GPR161: variants seen among roughly 807,000 people sequenced by gnomAD.
GPR161 encodes the protein G-protein coupled receptor RE2.
A neutral mutation model predicts 39.2 loss-of-function variants in GPR161; 25 were observed. The ratio of observed to expected loss-of-function variants is 0.64; its 90% CI spans 0.47 to 0.89. The LOEUF is 0.89. GPR161 is among the 40% of genes least tolerant of loss of function. The pLI, the probability that GPR161 is intolerant of heterozygous loss-of-function variation, is 0.00. For missense variants in GPR161, 547 were observed against 677.8 expected (o/e 0.81, Z 2.14); for synonymous variants, 286 against 276.6 (o/e 1.03, Z -0.34).
chr1:168,099,835 T>TGG (rs1558104423), intron 2 of GPR161, among the ~76,000 whole-genome samples: 1 of 109,768 alleles, frequency 9.1e-6, no homozygotes. Flanking sequence ...AGTTTTTTTT[T>TGG]TGGGGGGGGG....
At chr1:168,091,366 A>C (rs1456806663) in intron 3 of GPR161, among the ~76,000 whole-genome samples, 1 of 152,128 alleles carries the variant, frequency 6.6e-6, no homozygotes, top group Admixed American at 6.5e-5. Flanking sequence ...GTATTGTGGA[A>C]ATTTACATAT....
intron 1 of GPR161, among the ~76,000 whole-genome samples, chr1:168,118,148 A>T (rs1196371269): frequency 1.3e-5 from 2 of 152,218 alleles, no homozygotes; most frequent in African/African-American, 2.4e-5. Context: ...ACTTCATGAA[A>T]ATTTTAAAAT....
intron 2 of GPR161, among the ~76,000 whole-genome samples, chr1:168,102,346 T>C (rs1696183231): frequency 6.6e-6 from 1 of 151,770 alleles, no homozygotes. Context: ...GCTGGTGGAG[T>C]TGTCGATGGT....
chr1:168,112,218 C>T (rs899082301), intron 1 of GPR161, among the ~76,000 whole-genome samples: 1 of 152,022 alleles, frequency 6.6e-6, no homozygotes, highest in Non-Finnish European at 1.5e-5. Context: ...TGGTGGCTCA[C>T]GCCTGTAATC....
chr1:168,135,021 C>T (rs745947467), intron 1 of GPR161: 38 of 1,530,982 alleles, frequency 2.5e-5, no homozygotes, highest in East Asian at 7.4e-5. Context: ...TCTCAGAGGA[C>T]GCACAGTGCA....
intron 1 of GPR161, among the ~76,000 whole-genome samples, chr1:168,114,983 G>C (rs1184654660): frequency 6.6e-6 from 1 of 152,104 alleles, no homozygotes; most frequent in Non-Finnish European, 1.5e-5. Flanking sequence ...CCCTAGGTCC[G>C]GGATTTTGTC....
At chr1:168,097,319 G>C (rs1241646952) in intron 2 of GPR161, 87 bp from the exon 3 acceptor site, 2 of 1,389,984 alleles carry the variant, frequency 1.4e-6, no homozygotes, top group African/African-American at 2.9e-5. Flanking sequence ...TCCCATGACT[G>C]GGTTGGATGT....
chr1:168,096,132 TCAAAAAAAAA>T (rs1695500561), intron 3 of GPR161, among the ~76,000 whole-genome samples: 1 of 37,556 alleles, frequency 2.7e-5, no homozygotes, highest in African/African-American at 1.1e-4. Context: ...AGACCCTGTC[TCAAAAAAAAA>T]AAAAAAAAAA....
chr1:168,090,555 G>A lies in GPR161; in HGVS notation c.1204+9C>T, dbSNP rs374593167. On this transcript the variant is annotated intron_variant, in intron 4 of 5. Transcript: ENST00000682931. Reference sequence around the variant, plus strand: ...GACAGGTGAGAGGCTTATAAAGCACGCAGGTTACCTGAGTCCTGGGAGCAG... The same window carrying A: ...GACAGGTGAGAGGCTTATAAAGCACACAGGTTACCTGAGTCCTGGGAGCAG... 9.2e-6 allele frequency: 14 copies of A among 1,521,824 alleles called. No individual in the cohort carries two copies. The highest frequency in any genetic ancestry group is 6.9e-5 in the African/African-American group (5 of 72,966). The allele number at this position is 1,521,824 out of a possible 1,614,324, so 94.3% of individuals were successfully genotyped here.
At chr1:168,136,332 C>T in intron 1 of GPR161, 1 of 1,481,238 alleles carries the variant, frequency 6.8e-7, no homozygotes, top group Non-Finnish European at 8.9e-7. Flanking sequence ...GACGTGGAGT[C>T]TCTTGGCCCC....
chr1:168,129,221 A>C (rs1205729883), intron 1 of GPR161, among the ~76,000 whole-genome samples: 1 of 152,226 alleles, frequency 6.6e-6, no homozygotes, highest in Non-Finnish European at 1.5e-5. Flanking sequence ...CAGAGACCAG[A>C]AAATGATGCG....
In GPR161 at chr1:168,104,702, A is replaced by G. The variant is rs764829911; in HGVS notation, c.149T>C (p.Val50Ala). The G allele has an allele frequency of 1.2e-6, 2 of 1,613,856 alleles. No individual in the cohort carries two copies. The highest frequency in any genetic ancestry group is 4.5e-5 in the East Asian group (2 of 44,874). Residue 50 changes from valine (V) to alanine (A), a missense_variant, in exon 2 of 6, where the codon GTC becomes GCC. Coordinates refer to ENST00000682931, the MANE Select transcript of GPR161 (RefSeq NM_001375883.1). Reference protein sequence around the residue: ...FVCLGNLVIVVTLYKKSYLLT... With the variant: ...FVCLGNLVIVATLYKKSYLLT... ...GAGGTAGGACTTCTTGTACAAGGTGACCACGATGACCAGGTTTCCCAGGCA... is the reference window on the plus strand; with the variant it reads ...GAGGTAGGACTTCTTGTACAAGGTGGCCACGATGACCAGGTTTCCCAGGCA...
intron 4 of GPR161, 159 bp from the exon 5 acceptor site, chr1:168,087,863 G>A (rs1026729871): frequency 3.7e-5 from 24 of 647,822 alleles, no homozygotes; most frequent in Non-Finnish European, 5.3e-5. Flanking sequence ...AGAAACACCC[G>A]CCTGTCATCC....
chr1:168,106,471 TC>T (rs1245233602), intron 1 of GPR161, among the ~76,000 whole-genome samples: 12 of 152,194 alleles, frequency 7.9e-5, no homozygotes, highest in Non-Finnish European at 1.8e-4. Context: ...ATTCCTGTAC[TC>T]CCAGCTACTT....
chr1:168,109,920 C>T (rs537150375), intron 1 of GPR161, among the ~76,000 whole-genome samples: 10 of 152,182 alleles, frequency 6.6e-5, no homozygotes, highest in Middle Eastern at 6.8e-3. Flanking sequence ...GAGCCGAGAT[C>T]GCACCACTGC....
intron 4 of GPR161, among the ~76,000 whole-genome samples, chr1:168,089,966 G>A (rs1694894878): frequency 6.6e-6 from 1 of 152,246 alleles, no homozygotes; most frequent in East Asian, 1.9e-4. Flanking sequence ...TCTACAGGGA[G>A]ACTGAGTTTC....
chr1:168,104,856 G>A lies in GPR161; in HGVS notation c.-6C>T, dbSNP rs1216714061. ...AGGGAGGAGTTGAGGCTCATGGTCA[G>A]TGCACCTCGGCGTGGGGTGGGCAGA... On this transcript the variant is annotated 5_prime_UTR_variant, in exon 2 of 6. Transcript: ENST00000682931. 2.5e-6 allele frequency: 4 copies of A among 1,612,450 alleles called. No individual in the cohort carries two copies. The highest frequency in any genetic ancestry group is 1.3e-5 in the African/African-American group (1 of 74,890).
At chr1:168,118,799 T>C (rs1697853054) in intron 1 of GPR161, 1 of 151,988 alleles carries the variant, frequency 6.6e-6, no homozygotes, top group Non-Finnish European at 1.5e-5. Flanking sequence ...GAATAGACAT[T>C]TTTCCAAAGA....
intron 3 of GPR161, among the ~76,000 whole-genome samples, chr1:168,093,976 A>G (rs778175326): frequency 2.7e-5 from 4 of 150,140 alleles, no homozygotes; most frequent in Admixed American, 2.7e-4. Context: ...GGAAAGACCA[A>G]TAACTTGGAA....
Sources: gnomAD v4.1 joint callset for allele counts (sites outside exome capture counted in the v4.1 genomes callset) on GRCh38, gnomAD v4.1.1 for gene constraint, MANE v1.5 for transcripts, NCBI Gene and HGNC (gene_info 2026-07-23, HGNC 2026-07-21) for gene names.